HNRNPD: variants seen among roughly 807,000 people sequenced by gnomAD.
HNRNPD encodes heterogeneous nuclear ribonucleoprotein D, also known as heterogeneous nuclear ribonucleoprotein D0.
In HNRNPD, 3 loss-of-function variants were observed where a neutral mutation model predicts 47.9. The observed-to-expected ratio is 0.06, with a 90% CI of 0.03 to 0.16. HNRNPD has a LOEUF of 0.16. Ranked by LOEUF, HNRNPD falls within the 10% of genes least tolerant of loss-of-function variation. HNRNPD has a pLI of 1.00. For missense variants in HNRNPD, 287 were observed against 454.2 expected, an observed-to-expected ratio of 0.63 and a Z score of 3.35; for synonymous variants, 171 against 165.1, an observed-to-expected ratio of 1.04 and a Z score of -0.28.
intron 8 of HNRNPD, 34 bp downstream of exon 8, chr4:82,355,270 T>C: frequency 8.4e-7 from 1 of 1,186,612 alleles, no homozygotes; most frequent in Non-Finnish European, 1.2e-6. Context: ...ACTACTATTG[T>C]AAATGACAAA....
chr4:82,358,566 G>A, intron 4 of HNRNPD, 93 bp downstream of exon 4: 3 of 1,093,858 alleles, frequency 2.7e-6, no homozygotes, highest in Non-Finnish European at 4.0e-6. Flanking sequence ...TACCCTAACA[G>A]CTTTGAAAAG....
rs1723595340 is a variant in HNRNPD at position 82,353,552 on chromosome 4, A to C, written c.*633T>G. 6.6e-6 allele frequency: 1 copy of C among 152,666 alleles called. No individual in the cohort carries two copies. The highest frequency in any genetic ancestry group is 6.5e-5 in the Admixed American group (1 of 15,284). 9.5% of individuals were successfully genotyped at this position (152,666 alleles called of 1,614,324 possible). A position where few individuals can be genotyped will look rare whatever the true frequency, so the allele number is the denominator to read the frequency against. ...TAAAAAGCACAATACATATTAAGCA[A>C]AAACTGGGCATTTGGGAAAATATTC... On this transcript the variant is annotated 3_prime_UTR_variant, in exon 9 of 9. Coordinates refer to ENST00000313899, the MANE Select transcript of HNRNPD (RefSeq NM_031370.3).
chr4:82,365,731 G>A (rs567745420), intron 2 of HNRNPD, among the ~76,000 whole-genome samples: 1 of 151,478 alleles, frequency 6.6e-6, no homozygotes, highest in Non-Finnish European at 1.5e-5. Flanking sequence ...CAAGCTCCTG[G>A]GTAGCTGAGA....
chr4:82,369,865 G>C (rs1477790181), intron 2 of HNRNPD, among the ~76,000 whole-genome samples: 1 of 152,188 alleles, frequency 6.6e-6, no homozygotes, highest in Non-Finnish European at 1.5e-5. Context: ...TGGCTAGGCC[G>C]GGCGCAGTGG....
Position 82,373,859 on chromosome 4 carries a change from C to T in HNRNPD, c.-181G>A. On this transcript the variant is annotated 5_prime_UTR_variant, in exon 1 of 9. Transcript: ENST00000313899. ...GCGCCTCTCCCTGGCCTGCCCCCTT[C>T]GCCTCCCACTCTCGCGCGGCGCACA... 1 of 1,350,220 alleles carries T rather than the reference C, an allele frequency of 7.4e-7. No individual in the cohort carries two copies. The highest frequency in any genetic ancestry group is 9.7e-7 in the Non-Finnish European group (1 of 1,027,018). The allele number at this position is 1,350,220 out of a possible 1,614,324, so 83.6% of individuals were successfully genotyped here.
In HNRNPD at chr4:82,373,479, T is replaced by A; in HGVS notation, c.200A>T (p.Lys67Met). ...EGGSAESEGA[K>M]IDASKNEEDE... Reference sequence around the variant, plus strand: ...CTCCTCGTTCTTACTGGCGTCAATCTTCGCCCCCTCCGACTCGGCGCTGCC... The same window carrying A: ...CTCCTCGTTCTTACTGGCGTCAATCATCGCCCCCTCCGACTCGGCGCTGCC... Residue 67 changes from lysine to methionine, a missense_variant, in exon 1 of 9, where the codon AAG (lysine) becomes ATG (methionine). By Grantham distance (95) the Lys-to-Met change is moderately conservative. Around this residue, in one of 5 missense-constraint regions of HNRNPD, gnomAD observed 161 missense variants for 137.1 expected, o/e 1.17. Coordinates refer to ENST00000313899, the MANE Select transcript of HNRNPD (RefSeq NM_031370.3). 1 of 1,559,858 alleles carries A rather than the reference T, an allele frequency of 6.4e-7. No homozygotes were observed. Among genetic ancestry groups the A allele is most frequent in the East Asian group, 2.4e-5 (1 of 41,674 alleles).
chr4:82,364,434 G>A (rs1719646021), intron 2 of HNRNPD, among the ~76,000 whole-genome samples: 1 of 152,182 alleles, frequency 6.6e-6, no homozygotes, highest in South Asian at 2.1e-4. Flanking sequence ...ATTGATAGAA[G>A]TTACTATTTT....
intron 2 of HNRNPD, among the ~76,000 whole-genome samples, chr4:82,366,284 C>G (rs959739054): frequency 6.6e-6 from 1 of 152,144 alleles, no homozygotes; most frequent in Non-Finnish European, 1.5e-5. Flanking sequence ...CGCTTTGTCG[C>G]CCAGGCTGGA....
At chr4:82,355,001 G>A (rs774073209) in intron 8 of HNRNPD, 60 of 344,226 alleles carry the variant, frequency 1.7e-4, no homozygotes, top group Middle Eastern at 8.8e-4. Context: ...TGAAGTTCCC[G>A]CTGGCGGGTA....
chr4:82,370,874 G>T (rs1720007307), intron 2 of HNRNPD, among the ~76,000 whole-genome samples: 1 of 151,986 alleles, frequency 6.6e-6, no homozygotes, highest in Non-Finnish European at 1.5e-5. Flanking sequence ...GTGAATACAT[G>T]TCAACCAACT....
At chr4:82,370,100 C>G (rs1228250759) in intron 2 of HNRNPD, among the ~76,000 whole-genome samples, 1 of 152,160 alleles carries the variant, frequency 6.6e-6, no homozygotes, top group Non-Finnish European at 1.5e-5. Flanking sequence ...CAAGATCACA[C>G]CACTGCACTC....
chr4:82,369,190 G>A (rs1270081160), intron 2 of HNRNPD, among the ~76,000 whole-genome samples: 1 of 152,192 alleles, frequency 6.6e-6, no homozygotes, highest in Non-Finnish European at 1.5e-5. Context: ...TAATTTTAAA[G>A]TACCTACCCC....
In HNRNPD at chr4:82,371,510, A is replaced by G; in HGVS notation, c.290+18T>C. On this transcript the variant is annotated intron_variant, in intron 2 of 8. Transcript: ENST00000313899. ...ACTGAAACCTTTATAATACAGAAAT[A>G]AAATTTAAAAGTTTTACCATTCTTC... The G allele has an allele frequency of 1.3e-6, 2 of 1,598,274 alleles. No individual in the cohort carries two copies. The highest frequency in any genetic ancestry group is 1.7e-6 in the Non-Finnish European group (2 of 1,169,652).
intron 1 of HNRNPD, chr4:82,373,241 T>C: frequency 1.4e-6 from 1 of 740,230 alleles, no homozygotes; most frequent in South Asian, 1.5e-5. Flanking sequence ...ACGTGTGTGA[T>C]GGGGGAGGGG....
At position 82,373,583 on chromosome 4, in the gene HNRNPD, C is replaced by T; in HGVS notation, c.96G>A (p.Ala32=). ...CCGCCGCCGCTGCCCCCTGTGTCGC[C>T]GCCACCATGGCTCCCTCCTGCTCGC... ...SAGEQEGAMV[A]ATQGAAAAAG... is the part of the protein sequence containing the mutation. The change falls in exon 1 of 9, where the codon GCG becomes GCA. Residue 32 remains alanine, a synonymous_variant. Coordinates refer to ENST00000313899, the MANE Select transcript of HNRNPD (RefSeq NM_031370.3). The T allele has an allele frequency of 1.3e-6, 2 of 1,536,884 alleles. No homozygotes were observed. The highest frequency in any genetic ancestry group is 2.5e-5 in the East Asian group (1 of 40,014).
At chr4:82,363,213 A>G (rs1163937943) in intron 2 of HNRNPD, among the ~76,000 whole-genome samples, 1 of 151,992 alleles carries the variant, frequency 6.6e-6, no homozygotes, top group Non-Finnish European at 1.5e-5. Flanking sequence ...AGTAGCTGGG[A>G]TAACAGGTGC....
At chr4:82,367,229 G>GT (rs1207084331) in intron 2 of HNRNPD, among the ~76,000 whole-genome samples, 1 of 151,948 alleles carries the variant, frequency 6.6e-6, no homozygotes, top group Non-Finnish European at 1.5e-5. Flanking sequence ...ATGACATCTT[G>GT]TATGTTTACG....
At chr4:82,356,936 A>G in intron 5 of HNRNPD, 41 bp from the exon 6 acceptor site, 2 of 1,519,504 alleles carry the variant, frequency 1.3e-6, no homozygotes, top group Non-Finnish European at 1.8e-6. Context: ...ACTCAAGAAA[A>G]TAAAAGTTGC....
At position 82,357,662 on chromosome 4, in the gene HNRNPD, G is replaced by C. The variant is rs1396051656; in HGVS notation, c.622-218C>G. 4 of 372,962 alleles carry C rather than the reference G, an allele frequency of 1.1e-5. No individual in the cohort carries two copies. In the East Asian group the frequency reaches 1.7e-4, roughly 16 times the overall value. 23.1% of individuals were successfully genotyped at this position (372,962 alleles called of 1,614,324 possible). ...TCTTCACAACTATTTACAAAAATAAGCTTTACCACGCACTGACATTTACTA... is the reference window on the plus strand; with the variant it reads ...TCTTCACAACTATTTACAAAAATAACCTTTACCACGCACTGACATTTACTA... On this transcript the variant is annotated intron_variant, in intron 4 of 8. Transcript: ENST00000313899.
Sources: gnomAD v4.1 joint callset for allele counts (sites outside exome capture counted in the v4.1 genomes callset) on GRCh38, gnomAD v4.1.1 for gene constraint, gnomAD v4.1.1 regional missense constraint, MANE v1.5 for transcripts, NCBI Gene and HGNC (gene_info 2026-07-23, HGNC 2026-07-21) for gene names.